KLF13: variants seen among roughly 807,000 people sequenced by gnomAD.
KLF13 encodes the protein KLF transcription factor 13, also known as Krueppel-like factor 13.
KLF13 carries 8 observed loss-of-function variants against 16.7 expected under a neutral mutation model. The ratio of observed to expected loss-of-function variants is 0.48; its 90% confidence interval spans 0.28 to 0.87. The LOEUF (loss-of-function observed/expected upper bound fraction) is 0.87, where lower values mean the gene tolerates loss of function less well. KLF13 is among the 40% of genes least tolerant of loss of function. The probability of loss-of-function intolerance (pLI) is 0.10; values close to 1 mark genes in which losing one functional copy is unlikely to be tolerated. For synonymous variants in KLF13, 245 were observed against 208.4 expected, an observed-to-expected ratio of 1.18 and a Z score of -1.51; for missense variants, 447 against 452.2, an observed-to-expected ratio of 0.99 and a Z score of 0.10.
At chr15:31,410,290 G>C (rs535478314) in intron 1 of KLF13, among the ~76,000 whole-genome samples, 2 of 151,842 alleles carry the variant, frequency 1.3e-5, no homozygotes, top group African/African-American at 4.8e-5. Flanking sequence ...ACAATAAAAA[G>C]TCTTCAGCAA....
intron 2 of KLF13, among the ~76,000 whole-genome samples, chr15:31,397,470 C>A (rs559562807): frequency 3.6e-4 from 55 of 152,358 alleles, no homozygotes; most frequent in African/African-American, 1.3e-3. Flanking sequence ...GAGGTCCAGA[C>A]GCCTCGGAGT....
intron 1 of KLF13, among the ~76,000 whole-genome samples, chr15:31,410,783 C>T (rs879309651): frequency 6.6e-5 from 10 of 152,000 alleles, no homozygotes; most frequent in Non-Finnish European, 8.8e-5. Flanking sequence ...AAAAGTGAAT[C>T]GAACTGAAGG....
intron 1 of KLF13, among the ~76,000 whole-genome samples, chr15:31,344,403 G>T (rs1459743781): frequency 6.6e-6 from 1 of 152,276 alleles, no homozygotes; most frequent in Non-Finnish European, 1.5e-5. Flanking sequence ...GGCTGGCAAG[G>T]GCTCCAGGGG....
downstream of KLF13, among the ~76,000 whole-genome samples, chr15:31,408,154 C>T (rs1046750680): frequency 4.6e-5 from 7 of 152,044 alleles, no homozygotes; most frequent in African/African-American, 1.7e-4. Context: ...GTTGGTAAAA[C>T]CACCACAAAA....
chr15:31,360,278 G>A (rs1342811121), intron 1 of KLF13, among the ~76,000 whole-genome samples: 2 of 152,230 alleles, frequency 1.3e-5, no homozygotes, highest in African/African-American at 2.4e-5. Flanking sequence ...GCAGCGGGCA[G>A]GCCTGTGCCG....
chr15:31,348,493 G>GTAAA (rs2039162674), intron 1 of KLF13, among the ~76,000 whole-genome samples: 1 of 152,144 alleles, frequency 6.6e-6, no homozygotes, highest in African/African-American at 2.4e-5. Flanking sequence ...TCCCAGACAG[G>GTAAA]ACTGTTGCTT....
intron 1 of KLF13, among the ~76,000 whole-genome samples, chr15:31,340,439 G>A (rs963480395): frequency 3.3e-5 from 5 of 152,220 alleles, no homozygotes; most frequent in Admixed American, 6.5e-5. Context: ...ACAGGGCTGT[G>A]GTGAGGGCCC....
At chr15:31,421,309 A>T (rs557065851) in intron 1 of KLF13, among the ~76,000 whole-genome samples, 2 of 152,336 alleles carry the variant, frequency 1.3e-5, no homozygotes, top group South Asian at 2.1e-4. Flanking sequence ...TGACAGCAAC[A>T]CAACGGCGTA....
chr15:31,371,478 G>A (rs780908794), intron 1 of KLF13, among the ~76,000 whole-genome samples: 6 of 152,240 alleles, frequency 3.9e-5, no homozygotes, highest in African/African-American at 1.4e-4. Context: ...TCCAGGCCCC[G>A]GAACTCACCT....
chr15:31,344,612 G>A (rs1020776203), intron 1 of KLF13, among the ~76,000 whole-genome samples: 4 of 152,244 alleles, frequency 2.6e-5, no homozygotes, highest in African/African-American at 9.6e-5. Context: ...TGGACTGTGG[G>A]GGTTTGGGCC....
At chr15:31,348,974 G>A (rs1455557279) in intron 1 of KLF13, among the ~76,000 whole-genome samples, 1 of 152,096 alleles carries the variant, frequency 6.6e-6, no homozygotes, top group Non-Finnish European at 1.5e-5. Context: ...CATAAGGAGG[G>A]CCCTACAGCC....
intron 1 of KLF13, among the ~76,000 whole-genome samples, chr15:31,429,180 G>A (rs2040437837): frequency 7.2e-6 from 1 of 138,926 alleles, no homozygotes; most frequent in Admixed American, 6.8e-5. Context: ...CAGAGCAGCA[G>A]GGAAAGGACA....
chr15:31,424,549 A>G, intron 1 of KLF13, among the ~76,000 whole-genome samples: 1 of 152,212 alleles, frequency 6.6e-6, no homozygotes, highest in Admixed American at 6.5e-5. Flanking sequence ...ATTGATGCAG[A>G]AAAAGCCTTA....
upstream of KLF13, among the ~76,000 whole-genome samples, chr15:31,392,311 C>T (rs1241153577): frequency 6.6e-6 from 1 of 152,228 alleles, no homozygotes; most frequent in Non-Finnish European, 1.5e-5. Context: ...GCTCATGTAC[C>T]GCGGGCAGCG....
intron 1 of KLF13, among the ~76,000 whole-genome samples, chr15:31,329,933 G>A (rs1044579635): frequency 2.0e-5 from 3 of 152,134 alleles, no homozygotes; most frequent in South Asian, 2.1e-4. Flanking sequence ...CAGTTCCAGC[G>A]TGCAGTTGGG....
chr15:31,397,231 T>TGGGGC (rs2039965067), intron 2 of KLF13, among the ~76,000 whole-genome samples: 1 of 2,188 alleles, frequency 4.6e-4, no homozygotes, highest in Non-Finnish European at 1.1e-3. Flanking sequence ...TGGGGCGGGG[T>TGGGGC]GGGGTGGGGT....
chr15:31,363,485 AATAG>A (rs2039419448), intron 1 of KLF13, among the ~76,000 whole-genome samples: 2 of 152,158 alleles, frequency 1.3e-5, no homozygotes, highest in Admixed American at 6.5e-5. Flanking sequence ...TGTGCAGTCA[AATAG>A]ATTGATTGAT....
chr15:31,361,725 G>T (rs2039392101), intron 1 of KLF13, among the ~76,000 whole-genome samples: 1 of 152,126 alleles, frequency 6.6e-6, no homozygotes, highest in Non-Finnish European at 1.5e-5. Flanking sequence ...GCTGGGGCTG[G>T]CTGTGCAGGT....
chr15:31,413,047 G>A (rs190885812), intron 1 of KLF13, among the ~76,000 whole-genome samples: 19 of 152,174 alleles, frequency 1.2e-4, no homozygotes, highest in African/African-American at 4.6e-4. Context: ...AATGCCCCAG[G>A]GCACTCTTGA....
Sources: allele counts gnomAD v4.1 joint callset (sites outside exome capture counted in the v4.1 genomes callset), GRCh38; gene constraint gnomAD v4.1.1; transcripts MANE v1.5; gene names NCBI Gene and HGNC (gene_info 2026-07-23, HGNC 2026-07-21).